ANKRD17: variants seen among roughly 807,000 people sequenced by gnomAD.
The protein encoded by ANKRD17 is ankyrin repeat domain-containing protein 17.
In ANKRD17, 19 loss-of-function variants were observed where a neutral mutation model predicts 229.7. The observed-to-expected ratio is 0.08, with a 90% CI of 0.06 to 0.12. The LOEUF (loss-of-function observed/expected upper bound fraction) is 0.12, where lower values mean the gene tolerates loss of function less well. Ranked by LOEUF, ANKRD17 falls within the 10% of genes least tolerant of loss-of-function variation. The probability of loss-of-function intolerance (pLI) is 1.00; values close to 1 mark genes in which losing one functional copy is unlikely to be tolerated. For missense variants in ANKRD17, 2,176 were observed against 3,176.8 expected (o/e 0.68, Z 7.57); for synonymous variants, 1,112 against 1,146.1 (o/e 0.97, Z 0.60).
intron 1 of ANKRD17, among the ~76,000 whole-genome samples, chr4:73,191,341 A>ATATATGTGTGTGTGTGTGTGTGTG (rs1553933228): frequency 1.6e-5 from 2 of 125,244 alleles, no homozygotes; most frequent in Admixed American, 1.7e-4. Context: ...AAAAATATAT[A>ATATATGTGTGTGTGTGTGTGTGTG]TGTGTGTGTG....
chr4:73,258,618 T>A lies in ANKRD17; in HGVS notation c.51A>T (p.Glu17Asp). The change falls in exon 1 of 34, where the codon GAA becomes GAT. Residue 17 changes from glutamate to aspartate, a missense_variant. Physicochemically the swap from Glu to Asp is conservative, Grantham distance 45 (BLOSUM62 2). Transcript: ENST00000358602. ...PVAAATAAEGEGSPPAVAAVA... is the reference protein window; with the variant it reads ...PVAAATAAEGDGSPPAVAAVA... ...CAGCCGCCACCGCCGGGGGGCTCCC[T>A]TCTCCTTCTGCAGCCGTCGCCGCCG... The A allele has an allele frequency of 6.7e-7, 1 of 1,487,438 alleles. No homozygotes were observed. The highest frequency in any genetic ancestry group is 1.5e-5 in the African/African-American group (1 of 67,960). The allele number at this position is 1,487,438 out of a possible 1,614,324, so 92.1% of individuals were successfully genotyped here.
chr4:73,205,638 C>A, intron 1 of ANKRD17, among the ~76,000 whole-genome samples: 1 of 152,110 alleles, frequency 6.6e-6, no homozygotes, highest in East Asian at 1.9e-4. Context: ...TGCAAAACTA[C>A]TAGAAGAAAA....
intron 16 of ANKRD17, among the ~76,000 whole-genome samples, chr4:73,129,376 CT>C (rs780164631): frequency 3.9e-5 from 6 of 152,248 alleles, no homozygotes; most frequent in Non-Finnish European, 7.4e-5. Flanking sequence ...GGAAAGACAA[CT>C]TTTAATGAGC....
intron 1 of ANKRD17, among the ~76,000 whole-genome samples, chr4:73,193,929 C>CTTTTTATTT: frequency 6.6e-6 from 1 of 152,106 alleles, no homozygotes. Flanking sequence ...GAAACCTTGT[C>CTTTTTATTT]TCAAAAACAA....
chr4:73,125,312 T>C lies in ANKRD17; in HGVS notation c.3235A>G (p.Thr1079Ala). 6.3e-7 allele frequency: 1 copy of C among 1,580,822 alleles called. No individual in the cohort carries two copies. The highest frequency in any genetic ancestry group is 8.6e-7 in the Non-Finnish European group (1 of 1,165,116). ...AGTGCCGTGTCATGATTACTCTCAG[T>C]CTATAAGAAATTATTTTTTGGTTAG... ...IYPAIDIDAQ[T>A]ESNHDTALTL... Residue 1079 changes from threonine (T) to alanine (A), a missense_variant and splice_region_variant, in exon 17 of 34, where the codon ACT becomes GCT. Around this residue, in one of 18 missense-constraint regions of ANKRD17, gnomAD observed 230 missense variants for 252.3 expected, o/e 0.91. Coordinates refer to ENST00000358602, the MANE Select transcript of ANKRD17 (RefSeq NM_032217.5).
rs144486458 is a variant in ANKRD17, at chr4:73,160,210, C to CTTTTTTTTTTTTTTTTTTTTTTTTTTT, written c.704+981_704+982insAAAAAAAAAAAAAAAAAAAAAAAAAAA. ...AAGTATCTATCCATTTTTCTTATCACTTTTTTTTTTTTTTTTTTTTTTTTT... is the reference window on the plus strand; with the variant it reads ...AAGTATCTATCCATTTTTCTTATCACTTTTTTTTTTTTTTTTTTTTTTTTTTTTTTTTTTTTTTTTTTTTTTTTTTTT... On this transcript the variant is annotated intron_variant, in intron 3 of 33. Coordinates refer to ENST00000358602, the MANE Select transcript of ANKRD17 (RefSeq NM_032217.5). 3.2e-5 allele frequency among the ~76,000 whole-genome samples: 2 copies of CTTTTTTTTTTTTTTTTTTTTTTTTTTT among 61,562 alleles called. 1 individual carries two copies. The highest frequency in any genetic ancestry group is 5.8e-5 in the Non-Finnish European group (2 of 34,762). The allele number at this position is 61,562 out of a possible 152,430, so 40.4% of individuals were successfully genotyped here. A position where few individuals can be genotyped will look rare whatever the true frequency, so the allele number is the denominator to read the frequency against.
chr4:73,212,616 T>C (rs1269091295), intron 1 of ANKRD17, among the ~76,000 whole-genome samples: 1 of 152,024 alleles, frequency 6.6e-6, no homozygotes, highest in African/African-American at 2.4e-5. Flanking sequence ...AAAGTACTTG[T>C]GCAGATGTGA....
intron 1 of ANKRD17, among the ~76,000 whole-genome samples, chr4:73,237,294 T>C (rs537616194): frequency 6.6e-6 from 1 of 152,354 alleles, no homozygotes; most frequent in Non-Finnish European, 1.5e-5. Flanking sequence ...CAAAAAGCTG[T>C]AATACCAAGC....
intron 1 of ANKRD17, among the ~76,000 whole-genome samples, chr4:73,234,504 A>G (rs1743334443): frequency 1.3e-5 from 2 of 152,312 alleles, no homozygotes; most frequent in South Asian, 4.1e-4. Flanking sequence ...TTTAGAGTAT[A>G]TAGAGTGTAA....
At chr4:73,191,367 G>GTGTGTGTT (rs1245498858) in intron 1 of ANKRD17, among the ~76,000 whole-genome samples, 6 of 150,866 alleles carry the variant, frequency 4.0e-5, no homozygotes, top group Non-Finnish European at 8.9e-5. Context: ...GTGTGTGTGT[G>GTGTGTGTT]TGTGTGTGTG....
chr4:73,124,288 G>A lies in ANKRD17; in HGVS notation c.3492+625C>T, dbSNP rs376529858. ...ATCCCCTGTACAAAGGACTGAATTT[G>A]AAAAAAAAAAAAAGGTTATCTAGCT... On this transcript the variant is annotated intron_variant, in intron 18 of 33. Transcript: ENST00000358602. Among the ~76,000 whole-genome samples the A allele has an allele frequency of 1.9e-3, 182 of 96,188 alleles. 1 individual carries two copies. Among genetic ancestry groups the A allele is most frequent in the Non-Finnish European group, 2.0e-3 (101 of 51,698 alleles). The allele number at this position is 96,188 out of a possible 152,430, so 63.1% of individuals were successfully genotyped here.
Position 73,214,090 on chromosome 4 carries a change from C to T in ANKRD17, c.394-36557G>A, listed in dbSNP as rs79110501. On this transcript the variant is annotated intron_variant, in intron 1 of 33. Transcript: ENST00000358602. ...TCAGGAATCCTCAAACTCCTGACTTCCTGAAATTCTGAATGACTAATCTTG... is the reference window on the plus strand; with the variant it reads ...TCAGGAATCCTCAAACTCCTGACTTTCTGAAATTCTGAATGACTAATCTTG... 2.5e-3 allele frequency among the ~76,000 whole-genome samples: 376 copies of T among 152,288 alleles called. 2 individuals are homozygous for T. The highest frequency in any genetic ancestry group is 0.016 in the South Asian group (75 of 4,822).
At chr4:73,183,441 G>A (rs1735848557) in intron 1 of ANKRD17, among the ~76,000 whole-genome samples, 1 of 151,942 alleles carries the variant, frequency 6.6e-6, no homozygotes, top group African/African-American at 2.4e-5. Flanking sequence ...TAGATATATA[G>A]AGGGTTTTTT....
At chr4:73,153,343 T>C (rs1423819693) in intron 6 of ANKRD17, among the ~76,000 whole-genome samples, 1 of 152,218 alleles carries the variant, frequency 6.6e-6, no homozygotes, top group African/African-American at 2.4e-5. Flanking sequence ...TTTCTTAATT[T>C]ACTTTCTTAA....
chr4:73,196,004 C>CTTTTT (rs752128086), intron 1 of ANKRD17, among the ~76,000 whole-genome samples: 31 of 124,564 alleles, frequency 2.5e-4, no homozygotes, highest in Non-Finnish European at 3.3e-4. Context: ...AACCATGTTT[C>CTTTTT]TTTTTTTTTT....
intron 23 of ANKRD17, among the ~76,000 whole-genome samples, chr4:73,115,487 C>T (rs994110209): frequency 6.6e-6 from 1 of 151,952 alleles, no homozygotes; most frequent in Non-Finnish European, 1.5e-5. Flanking sequence ...ATGGGGTCTC[C>T]CCATGTTGCC....
chr4:73,201,818 C>G (rs1322331133), intron 1 of ANKRD17, among the ~76,000 whole-genome samples: 1 of 152,098 alleles, frequency 6.6e-6, no homozygotes, highest in East Asian at 1.9e-4. Flanking sequence ...AATTTTCAGG[C>G]TTTCTCACTA....
chr4:73,178,785 CAG>C (rs958809069), intron 1 of ANKRD17, among the ~76,000 whole-genome samples: 4 of 152,032 alleles, frequency 2.6e-5, no homozygotes, highest in East Asian at 1.9e-4. Context: ...ACTCCTAAGA[CAG>C]GGGTAAAGTT....
chr4:73,101,545 G>A (rs1284139891), intron 25 of ANKRD17, among the ~76,000 whole-genome samples: 1 of 151,596 alleles, frequency 6.6e-6, no homozygotes, highest in Admixed American at 6.6e-5. Flanking sequence ...CGTCCCTGTA[G>A]TCCCAGCTAC....
Sources: gnomAD v4.1 joint callset for allele counts (sites outside exome capture counted in the v4.1 genomes callset) on GRCh38, gnomAD v4.1.1 for gene constraint, gnomAD v4.1.1 regional missense constraint, MANE v1.5 for transcripts, NCBI Gene and HGNC (gene_info 2026-07-23, HGNC 2026-07-21) for gene names.